ITGA8: variants seen among roughly 807,000 people sequenced by gnomAD.
The protein encoded by ITGA8 is integrin alpha-8.
A neutral mutation model predicts 142.3 loss-of-function variants in ITGA8; 91 were observed. The ratio of observed to expected loss-of-function variants is 0.64; its 90% CI spans 0.54 to 0.76. The LOEUF is 0.76. ITGA8 is among the 30% of genes least tolerant of loss of function. The pLI is 0.00. For missense variants in ITGA8, 1,406 were observed against 1,327.7 expected (o/e 1.06, Z -0.92); for synonymous variants, 505 against 485.2 (o/e 1.04, Z -0.54).
chr10:15,689,783 C>G (rs557821713), intron 2 of ITGA8, among the ~76,000 whole-genome samples: 1 of 152,220 alleles, frequency 6.6e-6, no homozygotes, highest in African/African-American at 2.4e-5. Context: ...CAATCCCCAG[C>G]CAACCTGCTG....
At chr10:15,627,469 A>C (rs1216927421) in intron 13 of ITGA8, among the ~76,000 whole-genome samples, 2 of 152,186 alleles carry the variant, frequency 1.3e-5, no homozygotes. Context: ...TTTTCAGGTA[A>C]CCAGCTATTA....
intron 4 of ITGA8, among the ~76,000 whole-genome samples, chr10:15,679,655 A>G (rs1377088944): frequency 6.6e-6 from 1 of 152,238 alleles, no homozygotes; most frequent in Non-Finnish European, 1.5e-5. Flanking sequence ...ATTTCTGGTC[A>G]CAGTCTCACT....
chr10:15,554,740 TTTC>T (rs1833858421), intron 26 of ITGA8, among the ~76,000 whole-genome samples: 1 of 150,586 alleles, frequency 6.6e-6, no homozygotes, highest in African/African-American at 2.4e-5. Context: ...TCTTTCTTTC[TTTC>T]TTTCTTTTTT....
intron 13 of ITGA8, among the ~76,000 whole-genome samples, chr10:15,639,647 C>A (rs554175422): frequency 6.6e-5 from 10 of 152,302 alleles, no homozygotes; most frequent in African/African-American, 2.4e-4. Flanking sequence ...ATAAACACAC[C>A]CAGGTGATCT....
chr10:15,520,193 C>T (rs1366815638), intron 28 of ITGA8, among the ~76,000 whole-genome samples: 1 of 152,116 alleles, frequency 6.6e-6, no homozygotes, highest in Non-Finnish European at 1.5e-5. Flanking sequence ...GGGTGGATTG[C>T]CTGAGCTCAG....
chr10:15,542,786 A>G (rs962555682), intron 27 of ITGA8, among the ~76,000 whole-genome samples: 1 of 152,216 alleles, frequency 6.6e-6, no homozygotes, highest in Non-Finnish European at 1.5e-5. Context: ...TGCAGCTGAC[A>G]ATAATAATAC....
At chr10:15,572,745 C>G (rs915984556) in intron 24 of ITGA8, among the ~76,000 whole-genome samples, 4 of 152,206 alleles carry the variant, frequency 2.6e-5, no homozygotes, top group African/African-American at 9.6e-5. Context: ...ACATTGAAAT[C>G]TGCCTCCGCT....
chr10:15,669,383 G>A (rs1317004237), intron 8 of ITGA8, among the ~76,000 whole-genome samples: 2 of 152,172 alleles, frequency 1.3e-5, no homozygotes, highest in Non-Finnish European at 2.9e-5. Context: ...GTCCTTTAAG[G>A]ACTTTTCTTC....
At chr10:15,706,801 T>A (rs1835266779) in intron 2 of ITGA8, among the ~76,000 whole-genome samples, 1 of 152,170 alleles carries the variant, frequency 6.6e-6, no homozygotes, top group South Asian at 2.1e-4. Context: ...AAACCCACCA[T>A]TGGCTACCCA....
intron 27 of ITGA8, among the ~76,000 whole-genome samples, chr10:15,547,459 C>G (rs1833699170): frequency 6.6e-6 from 1 of 152,182 alleles, no homozygotes; most frequent in African/African-American, 2.4e-5. Context: ...GTAGTCCCAG[C>G]TACTTGGGAG....
chr10:15,661,788 G>C (rs1834292230), intron 8 of ITGA8, among the ~76,000 whole-genome samples: 1 of 152,170 alleles, frequency 6.6e-6, no homozygotes, highest in Non-Finnish European at 1.5e-5. Context: ...AGGAGGGCAG[G>C]GGAAGCATGC....
rs9333180 is a variant in ITGA8, at chr10:15,586,270, G to C, written c.2372+314C>G. Among the ~76,000 whole-genome samples the C allele has an allele frequency of 2.7e-3, 414 of 151,974 alleles. 7 individuals carry two copies. The highest frequency in any genetic ancestry group is 9.7e-3 in the African/African-American group (403 of 41,416). ...GACAGGGTTTCACGATGTTGGCTAG[G>C]CTGGTCTCAAACTCCTGACCTCAGG... On this transcript the variant is annotated intron_variant, in intron 23 of 29. Transcript: ENST00000378076.
intron 11 of ITGA8, among the ~76,000 whole-genome samples, chr10:15,652,131 T>C (rs1420491621): frequency 2.0e-5 from 3 of 152,270 alleles, no homozygotes; most frequent in Non-Finnish European, 4.4e-5. Flanking sequence ...ACTACCATGT[T>C]GTTTCGATTA....
At chr10:15,523,318 G>T (rs1487064283) in intron 28 of ITGA8, among the ~76,000 whole-genome samples, 2 of 150,828 alleles carry the variant, frequency 1.3e-5, no homozygotes, top group Non-Finnish European at 2.9e-5. Flanking sequence ...GACATTTAAA[G>T]TTTTTTTTGT....
chr10:15,613,869 C>T, intron 14 of ITGA8, 102 bp from the exon 15 acceptor site: 1 of 752,388 alleles, frequency 1.3e-6, no homozygotes, highest in Non-Finnish European at 2.3e-6. Context: ...AGACAGAATA[C>T]TCCACAGGCC....
chr10:15,683,975 G>A lies in ITGA8; in HGVS notation c.568+29C>T, dbSNP rs752453429. The A allele has an allele frequency of 6.2e-6, 10 of 1,613,278 alleles. No individual in the cohort carries two copies. The East Asian group carries it at 2.2e-4, about 36-fold the overall frequency. Reference sequence around the variant, plus strand: ...ACGATAGAAAAGCACTTGAGCTAATGTCAGTTTCAAGGAATAAAAGTTGCT... The same window carrying A: ...ACGATAGAAAAGCACTTGAGCTAATATCAGTTTCAAGGAATAAAAGTTGCT... On this transcript the variant is annotated intron_variant, in intron 4 of 29. Coordinates refer to ENST00000378076, the MANE Select transcript of ITGA8 (RefSeq NM_003638.3).
At chr10:15,637,376 C>T (rs1833789570) in intron 13 of ITGA8, among the ~76,000 whole-genome samples, 3 of 152,116 alleles carry the variant, frequency 2.0e-5, no homozygotes, top group Admixed American at 2.0e-4. Context: ...TTATCAGCCC[C>T]ATCATACCAG....
At chr10:15,529,079 CCTTTCTTT>C (rs1303464872) in intron 28 of ITGA8, among the ~76,000 whole-genome samples, 1 of 148,484 alleles carries the variant, frequency 6.7e-6, no homozygotes, top group Non-Finnish European at 1.5e-5. Context: ...TTCCTTTCTT[CCTTTCTTT>C]CTTCCCTTCT....
intron 27 of ITGA8, among the ~76,000 whole-genome samples, chr10:15,540,885 T>C (rs1355264444): frequency 6.6e-6 from 1 of 152,136 alleles, no homozygotes; most frequent in Non-Finnish European, 1.5e-5. Context: ...CTCATCAGCA[T>C]AAGACACTCC....
Sources: gnomAD v4.1 joint callset for allele counts (sites outside exome capture counted in the v4.1 genomes callset) on GRCh38, gnomAD v4.1.1 for gene constraint, MANE v1.5 for transcripts, NCBI Gene and HGNC (gene_info 2026-07-23, HGNC 2026-07-21) for gene names.